TMEM117: variants seen among roughly 807,000 people sequenced by gnomAD.
TMEM117 encodes the protein transmembrane protein 117.
A neutral mutation model predicts 52.4 loss-of-function variants in TMEM117; 27 were observed. The ratio of observed to expected loss-of-function variants is 0.51; its 90% CI spans 0.38 to 0.71. The LOEUF (loss-of-function observed/expected upper bound fraction) is 0.71, where lower values mean the gene tolerates loss of function less well. TMEM117 is among the 30% of genes least tolerant of loss of function. The probability of loss-of-function intolerance (pLI) is 0.00; values close to 1 mark genes in which losing one functional copy is unlikely to be tolerated. For synonymous variants in TMEM117, 215 were observed against 206.3 expected (o/e 1.04, Z -0.36); for missense variants, 556 against 630.5 (o/e 0.88, Z 1.26).
At chr12:44,099,986 TAAAA>T (rs943528349) in intron 3 of TMEM117, among the ~76,000 whole-genome samples, 1 of 151,392 alleles carries the variant, frequency 6.6e-6, no homozygotes, top group African/African-American at 2.4e-5. Flanking sequence ...AATATCAGAC[TAAAA>T]AAAAGCCTTT....
chr12:44,122,457 A>G (rs1288167263), intron 3 of TMEM117, among the ~76,000 whole-genome samples: 1 of 152,190 alleles, frequency 6.6e-6, no homozygotes, highest in Non-Finnish European at 1.5e-5. Context: ...AAGGTTTATT[A>G]CATAGGCAAA....
chr12:43,967,561 A>G (rs527697437), intron 3 of TMEM117, among the ~76,000 whole-genome samples: 4 of 152,300 alleles, frequency 2.6e-5, no homozygotes, highest in East Asian at 1.9e-4. Flanking sequence ...GTGGCAAGCA[A>G]CTATCTCCAG....
chr12:44,076,400 A>G (rs1317320867), intron 3 of TMEM117, among the ~76,000 whole-genome samples: 4 of 152,346 alleles, frequency 2.6e-5, no homozygotes, highest in Admixed American at 6.5e-5. Context: ...CAAGCAAATC[A>G]TACTTGAACA....
the TMEM117 span, among the ~76,000 whole-genome samples, chr12:44,398,347 A>G: frequency 2.6e-5 from 4 of 152,046 alleles, no homozygotes; most frequent in Admixed American, 2.6e-4. Flanking sequence ...GGGTGTTGTC[A>G]TTGTCCCAGA....
intron 2 of TMEM117, among the ~76,000 whole-genome samples, chr12:43,920,263 C>G (rs1011925030): frequency 1.1e-4 from 16 of 152,178 alleles, no homozygotes; most frequent in Non-Finnish European, 1.5e-5. Flanking sequence ...TGGTGGCTCA[C>G]GCCTATAATC....
chr12:44,057,545 TGA>T, intron 3 of TMEM117, among the ~76,000 whole-genome samples: 1 of 151,704 alleles, frequency 6.6e-6, no homozygotes, highest in Middle Eastern at 3.4e-3. Flanking sequence ...ACAGAGGTCC[TGA>T]GAGAAAATTT....
At chr12:44,376,768 A>T in intron 7 of TMEM117, 44 bp downstream of exon 7, 4 of 1,553,006 alleles carry the variant, frequency 2.6e-6, no homozygotes, top group Non-Finnish European at 2.6e-6. Context: ...TTCGTACATT[A>T]GTTAGGGTAA....
chr12:44,198,278 C>G (rs1409706865), intron 4 of TMEM117, among the ~76,000 whole-genome samples: 1 of 152,108 alleles, frequency 6.6e-6, no homozygotes, highest in Non-Finnish European at 1.5e-5. Context: ...CTATATAGTA[C>G]AGTATTTACA....
intron 5 of TMEM117, among the ~76,000 whole-genome samples, chr12:44,287,657 G>A (rs576324378): frequency 6.6e-6 from 1 of 152,262 alleles, no homozygotes; most frequent in South Asian, 2.1e-4. Context: ...TGAAATCCTA[G>A]CTACAAACAT....
the TMEM117 span, chr12:43,802,588 G>A: frequency 1.4e-6 from 1 of 731,350 alleles, no homozygotes. Context: ...TCAAAAAGTT[G>A]AAAAGAAAAA....
intron 3 of TMEM117, among the ~76,000 whole-genome samples, chr12:44,079,859 TA>T (rs898084525): frequency 5.3e-5 from 8 of 149,904 alleles, no homozygotes; most frequent in Admixed American, 2.0e-4. Context: ...CTACTAAAAA[TA>T]AAAAAAAATT....
chr12:43,865,237 G>A (rs1383391117), intron 2 of TMEM117, among the ~76,000 whole-genome samples: 1 of 152,192 alleles, frequency 6.6e-6, no homozygotes, highest in Non-Finnish European at 1.5e-5. Flanking sequence ...GTCTACTGCA[G>A]TAAAGACAGA....
At chr12:44,197,143 A>G (rs972399478) in intron 4 of TMEM117, among the ~76,000 whole-genome samples, 5 of 152,206 alleles carry the variant, frequency 3.3e-5, no homozygotes, top group African/African-American at 1.2e-4. Context: ...TTTCATTTAG[A>G]AAACTGGAAT....
At chr12:43,885,208 G>A (rs903976082) in intron 2 of TMEM117, among the ~76,000 whole-genome samples, 2 of 152,094 alleles carry the variant, frequency 1.3e-5, no homozygotes, top group Admixed American at 6.6e-5. Flanking sequence ...ACCTCTTTTG[G>A]TGTGAACAAT....
intron 4 of TMEM117, among the ~76,000 whole-genome samples, chr12:44,196,271 G>T (rs908605597): frequency 1.3e-4 from 20 of 151,950 alleles, no homozygotes; most frequent in African/African-American, 4.8e-4. Flanking sequence ...ATAAAGATAT[G>T]AGCAGAATTA....
the TMEM117 span, among the ~76,000 whole-genome samples, chr12:43,808,337 T>C: frequency 6.6e-6 from 1 of 152,274 alleles, no homozygotes; most frequent in African/African-American, 2.4e-5. Context: ...AGTCCAAGTT[T>C]AAAGTTCCTA....
intron 6 of TMEM117, among the ~76,000 whole-genome samples, chr12:44,374,014 T>A (rs902479245): frequency 6.6e-6 from 1 of 151,944 alleles, no homozygotes; most frequent in African/African-American, 2.4e-5. Context: ...ACTCCTGATC[T>A]CAGGTAATCT....
chr12:44,229,725 T>G (rs1425993483), intron 5 of TMEM117, among the ~76,000 whole-genome samples: 1 of 152,116 alleles, frequency 6.6e-6, no homozygotes, highest in African/African-American at 2.4e-5. Context: ...ATTCCCCTGT[T>G]TAAGATATCC....
chr12:43,866,296 G>T lies in TMEM117; in HGVS notation c.277+21368G>T, dbSNP rs1004644192. Among the ~76,000 whole-genome samples, 5 of 151,218 alleles carry T rather than the reference G, an allele frequency of 3.3e-5. 1 individual carries two copies. The highest frequency in any genetic ancestry group is 7.4e-5 in the Non-Finnish European group (5 of 67,988). ...ATTTCAACCTAAAATTCTATATCCA[G>T]CCAACATATACTTACAAAATGAAGG... On this transcript the variant is annotated intron_variant, in intron 2 of 7. Transcript: ENST00000266534.
Sources: gnomAD v4.1 joint callset for allele counts (sites outside exome capture counted in the v4.1 genomes callset) on GRCh38, gnomAD v4.1.1 for gene constraint, MANE v1.5 for transcripts, NCBI Gene and HGNC (gene_info 2026-07-23, HGNC 2026-07-21) for gene names.